The following LINGO2 variants were observed in gnomAD, a reference collection of about 807,000 sequenced individuals.
The protein encoded by LINGO2 is leucine-rich repeat and immunoglobulin-like domain-containing nogo receptor-interacting protein 2.
A neutral mutation model predicts 30.6 loss-of-function variants in LINGO2; 14 were observed. The ratio of observed to expected loss-of-function variants is 0.46; its 90% CI spans 0.30 to 0.72. The LOEUF is 0.72. LINGO2 is among the 30% of genes least tolerant of loss of function. The pLI, the probability that LINGO2 is intolerant of heterozygous loss-of-function variation, is 0.07. For synonymous variants in LINGO2, 317 were observed against 288.5 expected (o/e 1.10, Z -1.00); for missense variants, 729 against 751.7 (o/e 0.97, Z 0.35).
At chr9:28,238,461 C>T (rs535986422) in intron 4 of LINGO2, among the ~76,000 whole-genome samples, 5 of 152,058 alleles carry the variant, frequency 3.3e-5, no homozygotes, top group East Asian at 1.9e-4. Context: ...CTGACCACAG[C>T]GGAATAAAAC....
At chr9:28,055,817 T>TA (rs775677601) in intron 4 of LINGO2, among the ~76,000 whole-genome samples, 22 of 152,138 alleles carry the variant, frequency 1.4e-4, no homozygotes, top group African/African-American at 5.1e-4. Context: ...TAGTTTTATC[T>TA]AAAAAAGTCT....
intron 4 of LINGO2, among the ~76,000 whole-genome samples, chr9:28,013,982 A>T (rs1351832584): frequency 6.6e-6 from 1 of 152,184 alleles, no homozygotes; most frequent in Non-Finnish European, 1.5e-5. Flanking sequence ...TAAGGTGAAG[A>T]AGTACATGCT....
At chr9:28,220,154 T>A (rs983641378) in intron 4 of LINGO2, among the ~76,000 whole-genome samples, 3 of 152,190 alleles carry the variant, frequency 2.0e-5, no homozygotes, top group African/African-American at 7.2e-5. Context: ...ATGCCAATAC[T>A]ATGCCATTTC....
rs573635352 is a variant in LINGO2 at position 28,381,767 on chromosome 9, T to C, written c.-278-8899A>G. Among the ~76,000 whole-genome samples the C allele has an allele frequency of 3.3e-5, 5 of 152,210 alleles. No individual in the cohort carries two copies. In the South Asian group the frequency reaches 8.3e-4, roughly 25 times the overall value. On this transcript the variant is annotated intron_variant, in intron 2 of 5. Transcript: ENST00000379992. Reference sequence around the variant, plus strand: ...TGGTCTTGTACTGACACTGAAAACATTGACCCAGATGGTCATTTATGTCGC... The same window carrying C: ...TGGTCTTGTACTGACACTGAAAACACTGACCCAGATGGTCATTTATGTCGC...
At chr9:28,930,058 C>T in the LINGO2 span, among the ~76,000 whole-genome samples, 2 of 152,198 alleles carry the variant, frequency 1.3e-5, no homozygotes, top group African/African-American at 4.8e-5. The surrounding 1 kb of genome is among the most constrained non-coding windows in gnomAD (Gnocchi z 4.2). Context: ...GCATCAACTT[C>T]GAGGTCATCT....
At chr9:28,476,376 C>A (rs762643367) in intron 1 of LINGO2, among the ~76,000 whole-genome samples, 1 of 152,144 alleles carries the variant, frequency 6.6e-6, no homozygotes, top group Non-Finnish European at 1.5e-5. Context: ...CCCGGGTTCA[C>A]GCCATTCTCC....
chr9:27,959,578 T>C (rs1223846700), intron 5 of LINGO2, among the ~76,000 whole-genome samples: 1 of 152,190 alleles, frequency 6.6e-6, no homozygotes, highest in Non-Finnish European at 1.5e-5. Flanking sequence ...TTCTTAAATG[T>C]TTAGGTCTTC....
the LINGO2 span, among the ~76,000 whole-genome samples, chr9:28,708,761 TTATC>T: frequency 8.5e-4 from 126 of 147,860 alleles, no homozygotes; most frequent in South Asian, 1.3e-3. Context: ...TTTAAACTAA[TTATC>T]TATCTATCTA....
intron 1 of LINGO2, among the ~76,000 whole-genome samples, chr9:28,641,683 T>C (rs1827589804): frequency 1.3e-5 from 2 of 152,132 alleles, no homozygotes; most frequent in Non-Finnish European, 1.5e-5. Context: ...GAAATTTAAA[T>C]AAGATATACC....
intron 1 of LINGO2, among the ~76,000 whole-genome samples, chr9:28,479,154 A>G (rs1444803609): frequency 6.6e-6 from 1 of 152,024 alleles, no homozygotes; most frequent in Non-Finnish European, 1.5e-5. Flanking sequence ...AACTATCATT[A>G]CAAAAATGAA....
intron 4 of LINGO2, among the ~76,000 whole-genome samples, chr9:28,182,741 C>A (rs1444882001): frequency 1.3e-5 from 2 of 152,116 alleles, no homozygotes; most frequent in Non-Finnish European, 2.9e-5. Flanking sequence ...AAATGCAAAT[C>A]AAAACCAAAA....
the LINGO2 span, among the ~76,000 whole-genome samples, chr9:29,191,910 C>T: frequency 3.3e-5 from 5 of 151,854 alleles, no homozygotes; most frequent in African/African-American, 1.2e-4. Context: ...TTTTTTCAAG[C>T]TTTCTTAATA....
chr9:28,325,450 T>C (rs867414202), intron 3 of LINGO2, among the ~76,000 whole-genome samples: 5 of 152,126 alleles, frequency 3.3e-5, no homozygotes, highest in Admixed American at 6.5e-5. Context: ...ATGGTTTGGC[T>C]GTGTACCCAC....
rs188054500 is a variant in LINGO2 at position 28,211,812 on chromosome 9, T to C, written c.-87+83396A>G. On this transcript the variant is annotated intron_variant, in intron 4 of 5. Coordinates refer to ENST00000379992, the Ensembl canonical transcript of LINGO2. ...AATTCAGGAGAGGTTGTCTCCTCCT[T>C]TCTTGCTTGCTAAATTTACTCTTAC... Among the ~76,000 whole-genome samples the C allele has an allele frequency of 7.9e-5, 12 of 151,522 alleles. No individual in the cohort carries two copies. The East Asian group carries it at 2.3e-3, about 29-fold the overall frequency.
intron 5 of LINGO2, among the ~76,000 whole-genome samples, chr9:27,953,211 G>A (rs139385703): frequency 6.1e-4 from 93 of 152,062 alleles, no homozygotes; most frequent in African/African-American, 2.2e-3. Context: ...AATAAAAACT[G>A]GACATTAATT....
intron 4 of LINGO2, among the ~76,000 whole-genome samples, chr9:28,189,988 TAGAC>T (rs1016672284): frequency 1.3e-5 from 2 of 152,062 alleles, no homozygotes; most frequent in Admixed American, 6.6e-5. Flanking sequence ...CAGGAATACT[TAGAC>T]AGGTTGCCAT....
At chr9:29,159,180 GA>G in the LINGO2 span, among the ~76,000 whole-genome samples, 1 of 152,080 alleles carries the variant, frequency 6.6e-6, no homozygotes, top group African/African-American at 2.4e-5. Flanking sequence ...AGATGGACTG[GA>G]ACCCTAAGCA....
chr9:28,630,445 T>C (rs984355905), intron 1 of LINGO2, among the ~76,000 whole-genome samples: 6 of 152,154 alleles, frequency 3.9e-5, no homozygotes, highest in African/African-American at 1.4e-4. Flanking sequence ...ATTTCACTTT[T>C]TGTCACTGTT....
chr9:28,686,750 A>G, the LINGO2 span, among the ~76,000 whole-genome samples: 1 of 152,082 alleles, frequency 6.6e-6, no homozygotes, highest in Non-Finnish European at 1.5e-5. Context: ...TTTGTCTGAC[A>G]AATTGAGCTT....
Sources: allele counts gnomAD v4.1 joint callset (sites outside exome capture counted in the v4.1 genomes callset), GRCh38; gene constraint gnomAD v4.1.1; non-coding constraint Gnocchi (gnomAD v3.1); transcripts MANE v1.5; gene names NCBI Gene and HGNC (gene_info 2026-07-23, HGNC 2026-07-21).